CAST: variants seen among roughly 807,000 people sequenced by gnomAD.
The protein encoded by CAST is MIR583 host.
In CAST, 76 loss-of-function variants were observed where a neutral mutation model predicts 119.6. The ratio of observed to expected loss-of-function variants is 0.64; its 90% confidence interval spans 0.53 to 0.77. The LOEUF (loss-of-function observed/expected upper bound fraction) is 0.77. Among genes scored for constraint, CAST ranks in the 30% least tolerant of loss-of-function variants. CAST has a pLI of 0.00. For synonymous variants in CAST, 319 were observed against 331.6 expected (o/e 0.96, Z 0.41); for missense variants, 953 against 946.5 (o/e 1.01, Z -0.09).
chr5:96,769,498 A>C (rs1442915899), intron 29 of CAST: 1 of 151,808 alleles, frequency 6.6e-6, no homozygotes, highest in African/African-American at 2.4e-5. Flanking sequence ...TGAGGTTTAC[A>C]ACATGGTAGT....
intron 1 of CAST, among the ~76,000 whole-genome samples, chr5:96,655,251 T>C (rs1349068727): frequency 6.6e-6 from 1 of 152,110 alleles, no homozygotes; most frequent in Non-Finnish European, 1.5e-5. Context: ...AGATGGGAGA[T>C]GTCTCTCGGA....
At chr5:96,142,150 C>T in the CAST span, among the ~76,000 whole-genome samples, 301 of 152,284 alleles carry the variant, frequency 2.0e-3, 1 homozygote, top group African/African-American at 7.0e-3. Context: ...CAGTGGCTCA[C>T]ACCTGTAATC....
chr5:96,257,927 A>G, the CAST span, among the ~76,000 whole-genome samples: 1,077 of 152,304 alleles, frequency 7.1e-3, 11 homozygotes, highest in African/African-American at 0.025. Context: ...TAAATTTCAT[A>G]CAAAGTCATG....
chr5:96,266,203 A>T, the CAST span, among the ~76,000 whole-genome samples: 1 of 152,198 alleles, frequency 6.6e-6, no homozygotes, highest in Non-Finnish European at 1.5e-5. Context: ...TGGTAAGAGA[A>T]TCTGACTTTC....
At chr5:96,758,630 A>G (rs927259794) in intron 24 of CAST, among the ~76,000 whole-genome samples, 3 of 152,218 alleles carry the variant, frequency 2.0e-5, no homozygotes, top group African/African-American at 7.2e-5. Flanking sequence ...AGAAGAAATA[A>G]TGATTCTTTG....
intron 3 of CAST, among the ~76,000 whole-genome samples, chr5:96,698,575 T>A (rs1753559922): frequency 1.3e-5 from 2 of 152,244 alleles, no homozygotes; most frequent in African/African-American, 4.8e-5. Context: ...AATTGCTTAT[T>A]TCTTCTTTTG....
chr5:96,614,521 A>C (rs1427782739), intron 1 of CAST, among the ~76,000 whole-genome samples: 4 of 152,354 alleles, frequency 2.6e-5, no homozygotes, highest in Non-Finnish European at 5.9e-5. Context: ...GTACTTAACC[A>C]AGAAAAGGAA....
chr5:96,517,532 T>C, the CAST span, among the ~76,000 whole-genome samples: 1 of 152,102 alleles, frequency 6.6e-6, no homozygotes, highest in African/African-American at 2.4e-5. Flanking sequence ...AAATCAGATA[T>C]AGAGGAGATT....
chr5:96,375,430 G>T, the CAST span, among the ~76,000 whole-genome samples: 112 of 91,168 alleles, frequency 1.2e-3, no homozygotes, highest in African/African-American at 3.8e-3. Context: ...GTGTGTGTGT[G>T]TGTGTGTTTT....
the CAST span, among the ~76,000 whole-genome samples, chr5:95,991,728 A>G: frequency 6.6e-6 from 1 of 151,812 alleles, no homozygotes; most frequent in Non-Finnish European, 1.5e-5. Context: ...CTGGTCTCGA[A>G]CTTCTGAGCT....
At chr5:96,432,264 TC>T in the CAST span, 28 of 744,380 alleles carry the variant, frequency 3.8e-5, no homozygotes, top group African/African-American at 7.0e-5. Context: ...CCACCATTTC[TC>T]CCCCCAGCTT....
At chr5:96,288,055 T>A in the CAST span, among the ~76,000 whole-genome samples, 3 of 152,272 alleles carry the variant, frequency 2.0e-5, no homozygotes, top group East Asian at 5.8e-4. Context: ...AAAAGCTGTT[T>A]TGGGCTACAG....
the CAST span, among the ~76,000 whole-genome samples, chr5:96,283,430 T>C: frequency 5.4e-4 from 83 of 152,330 alleles, 1 homozygote; most frequent in African/African-American, 2.0e-3. Context: ...ATTTTGGTCA[T>C]CTGGAGGTGC....
the CAST span, among the ~76,000 whole-genome samples, chr5:96,426,592 C>T: frequency 6.6e-6 from 1 of 152,102 alleles, no homozygotes; most frequent in Non-Finnish European, 1.5e-5. Context: ...AATTACCTGC[C>T]CCATATTTAC....
At chr5:96,673,387 C>T (rs1043440182) in intron 1 of CAST, among the ~76,000 whole-genome samples, 2 of 152,190 alleles carry the variant, frequency 1.3e-5, no homozygotes, top group African/African-American at 4.8e-5. Flanking sequence ...GAGCTCAGTA[C>T]ACTCCAGCAG....
At chr5:96,758,996 T>G (rs1412318198) in intron 24 of CAST, among the ~76,000 whole-genome samples, 5 of 152,182 alleles carry the variant, frequency 3.3e-5, no homozygotes, top group African/African-American at 1.2e-4. Flanking sequence ...AGGGTTGTTT[T>G]TTCTTTTAGA....
At chr5:96,642,285 T>A (rs1328766366) in intron 1 of CAST, among the ~76,000 whole-genome samples, 1 of 152,228 alleles carries the variant, frequency 6.6e-6, no homozygotes, top group Non-Finnish European at 1.5e-5. Flanking sequence ...GAACTTGAGA[T>A]AATGCATGGT....
the CAST span, among the ~76,000 whole-genome samples, chr5:96,235,704 G>A: frequency 6.6e-6 from 1 of 152,084 alleles, no homozygotes; most frequent in Admixed American, 6.5e-5. Flanking sequence ...ACCTCACTGG[G>A]TTAAGAGCAC....
At chr5:96,429,309 T>A in the CAST span, 3 of 1,536,686 alleles carry the variant, frequency 2.0e-6, no homozygotes, top group South Asian at 1.1e-5. Flanking sequence ...GATTTTCAAG[T>A]GAACCAATCT....
Sources: allele counts gnomAD v4.1 joint callset (sites outside exome capture counted in the v4.1 genomes callset), GRCh38; gene constraint gnomAD v4.1.1; transcripts MANE v1.5; gene names NCBI Gene and HGNC (gene_info 2026-07-23, HGNC 2026-07-21).